The following PCDH15 variants were observed in gnomAD, a reference collection of about 807,000 sequenced individuals.
PCDH15 encodes the protein protocadherin related 15.
Under a neutral mutation model 178.5 loss-of-function variants are expected in PCDH15, and 129 were observed. The observed-to-expected ratio is 0.72, with a 90% CI of 0.63 to 0.84. PCDH15 has a LOEUF of 0.84. PCDH15 is among the 40% of genes least tolerant of loss of function. The probability of loss-of-function intolerance (pLI) is 0.00; values close to 1 mark genes in which losing one functional copy is unlikely to be tolerated. For synonymous variants in PCDH15, 800 were observed against 732.0 expected (o/e 1.09, Z -1.50); for missense variants, 2,230 against 2,099.9 (o/e 1.06, Z -1.21).
intron 2 of PCDH15, among the ~76,000 whole-genome samples, chr10:54,612,342 G>T (rs967703702): frequency 1.1e-4 from 16 of 151,768 alleles, no homozygotes; most frequent in Admixed American, 2.6e-4. Flanking sequence ...ACACAGAGTG[G>T]CATGAAAAGG....
chr10:54,527,721 T>A, intron 3 of PCDH15, 91 bp downstream of exon 3: 2 of 1,061,548 alleles, frequency 1.9e-6, no homozygotes, highest in Non-Finnish European at 2.7e-6. Flanking sequence ...GAAACTTTCA[T>A]TTTAGTACCT....
chr10:54,998,334 C>T (rs1486329738), intron 2 of PCDH15, among the ~76,000 whole-genome samples: 5 of 151,940 alleles, frequency 3.3e-5, no homozygotes, highest in Non-Finnish European at 5.9e-5. Flanking sequence ...CACATGTATA[C>T]ATATGTAACT....
chr10:55,272,121 AT>A (rs777453372), intron 1 of PCDH15, among the ~76,000 whole-genome samples: 350 of 152,172 alleles, frequency 2.3e-3, no homozygotes, highest in Admixed American at 5.8e-3. Context: ...GCACATAAGA[AT>A]AGTAGGGAAC....
chr10:54,221,250 C>T (rs1310425195), intron 9 of PCDH15, among the ~76,000 whole-genome samples: 4 of 152,008 alleles, frequency 2.6e-5, no homozygotes, highest in African/African-American at 9.7e-5. Context: ...TTTATATATG[C>T]TAAGAAAATT....
intron 29 of PCDH15, among the ~76,000 whole-genome samples, chr10:53,836,399 G>A (rs2077308759): frequency 6.6e-6 from 1 of 152,118 alleles, no homozygotes; most frequent in Non-Finnish European, 1.5e-5. Context: ...AGGAGGAGCA[G>A]TCTAACACTG....
chr10:55,054,154 C>A (rs1348916651), intron 2 of PCDH15, among the ~76,000 whole-genome samples: 1 of 152,090 alleles, frequency 6.6e-6, no homozygotes, highest in Non-Finnish European at 1.5e-5. Flanking sequence ...AAATCCTACT[C>A]ATGTACTGTT....
intron 1 of PCDH15, among the ~76,000 whole-genome samples, chr10:55,265,323 T>A (rs1431113104): frequency 6.6e-6 from 1 of 151,196 alleles, no homozygotes; most frequent in African/African-American, 2.4e-5. Context: ...TATATATATA[T>A]ATATAGACAT....
chr10:54,421,892 AC>A (rs1565231868), intron 3 of PCDH15, among the ~76,000 whole-genome samples: 23 of 80,766 alleles, frequency 2.8e-4, no homozygotes, highest in African/African-American at 1.3e-3. Context: ...ATACACACAC[AC>A]ACTATATATA....
intron 2 of PCDH15, among the ~76,000 whole-genome samples, chr10:55,379,574 G>A (rs533472690): frequency 9.9e-5 from 15 of 151,834 alleles, no homozygotes; most frequent in Non-Finnish European, 2.1e-4. Context: ...AATTAAGACA[G>A]GGAGAAGTTA....
At chr10:54,836,714 TAAC>T (rs1953323541) in intron 3 of PCDH15, among the ~76,000 whole-genome samples, 1 of 152,072 alleles carries the variant, frequency 6.6e-6, no homozygotes, top group South Asian at 2.1e-4. Context: ...TCAAAAAAGA[TAAC>T]AATAGATTGA....
At chr10:54,128,546 G>T (rs2042167340) in intron 15 of PCDH15, among the ~76,000 whole-genome samples, 1 of 152,046 alleles carries the variant, frequency 6.6e-6, no homozygotes, top group African/African-American at 2.4e-5. Flanking sequence ...ATTTCTTTGG[G>T]ATTTTCTTCT....
intron 2 of PCDH15, among the ~76,000 whole-genome samples, chr10:54,627,852 C>A (rs2134611316): frequency 6.6e-6 from 1 of 152,196 alleles, no homozygotes; most frequent in East Asian, 1.9e-4. Context: ...TTCTCACAGG[C>A]CAAGGTTAAG....
intron 2 of PCDH15, among the ~76,000 whole-genome samples, chr10:55,063,441 A>C (rs1275936935): frequency 1.3e-5 from 2 of 152,138 alleles, no homozygotes; most frequent in Non-Finnish European, 2.9e-5. Context: ...AATTTTATAT[A>C]AACATTGAAA....
At chr10:54,916,456 T>C (rs957154608) in intron 2 of PCDH15, among the ~76,000 whole-genome samples, 2 of 152,220 alleles carry the variant, frequency 1.3e-5, no homozygotes, top group Admixed American at 1.3e-4. Flanking sequence ...CCTCATCTGG[T>C]ATCTGTCTGA....
At chr10:53,998,945 G>A (rs368141398) in intron 20 of PCDH15, among the ~76,000 whole-genome samples, 43 of 151,084 alleles carry the variant, frequency 2.8e-4, no homozygotes, top group African/African-American at 1.0e-3. Flanking sequence ...CCAGCTACTC[G>A]AGAGGCTGAG....
intron 3 of PCDH15, among the ~76,000 whole-genome samples, chr10:54,871,811 A>G (rs1387070892): frequency 3.3e-5 from 5 of 152,062 alleles, no homozygotes; most frequent in Non-Finnish European, 5.9e-5. Flanking sequence ...AACTACCCCA[A>G]TACATTCTAC....
chr10:55,398,641 A>G (rs746842474), intron 2 of PCDH15, among the ~76,000 whole-genome samples: 10 of 152,244 alleles, frequency 6.6e-5, no homozygotes, highest in Admixed American at 1.3e-4. Flanking sequence ...AACAGGACCT[A>G]TTTCTCTTTC....
At chr10:55,179,093 T>C (rs1165268741) in intron 1 of PCDH15, among the ~76,000 whole-genome samples, 1 of 152,186 alleles carries the variant, frequency 6.6e-6, no homozygotes, top group Admixed American at 6.6e-5. Context: ...AAAATTTGTT[T>C]CTTTTTGGCT....
chr10:54,590,845 A>G (rs1422616075), intron 2 of PCDH15, among the ~76,000 whole-genome samples: 1 of 152,048 alleles, frequency 6.6e-6, no homozygotes, highest in Non-Finnish European at 1.5e-5. Context: ...TAACAAACAA[A>G]CTAGAAACAA....
Sources: allele counts gnomAD v4.1 joint callset (sites outside exome capture counted in the v4.1 genomes callset), GRCh38; gene constraint gnomAD v4.1.1; transcripts MANE v1.5; gene names NCBI Gene and HGNC (gene_info 2026-07-23, HGNC 2026-07-21).